PHF20: variants seen among roughly 807,000 people sequenced by gnomAD.
PHF20 encodes the protein PHD finger protein 20.
In PHF20, 23 loss-of-function variants were observed where a neutral mutation model predicts 113.5. That is an observed-to-expected ratio of 0.20 (90% CI 0.15 to 0.29). PHF20 has a LOEUF of 0.29. Ranked by LOEUF, PHF20 falls within the 10% of genes least tolerant of loss-of-function variation. PHF20 has a pLI of 1.00. For synonymous variants in PHF20, 434 were observed against 457.3 expected (o/e 0.95, Z 0.65); for missense variants, 943 against 1,219.6 (o/e 0.77, Z 3.38).
intron 2 of PHF20, among the ~76,000 whole-genome samples, chr20:35,830,493 A>C (rs2042340153): frequency 6.6e-6 from 1 of 152,144 alleles, no homozygotes; most frequent in South Asian, 2.1e-4. Flanking sequence ...CATTTTATCT[A>C]TTCATGTATT....
chr20:35,947,758 A>T lies in PHF20; in HGVS notation c.*131A>T. On this transcript the variant is annotated 3_prime_UTR_variant, in exon 18 of 18. Transcript: ENST00000374012. ...ACTGACTTCAGGGATCTGGGCCAGG[A>T]GTGTGGTGGACATTGGACAAAGAGG... is the stretch of plus-strand genomic sequence containing the variant. The T allele has an allele frequency of 2.1e-6, 2 of 969,842 alleles. No homozygotes were observed. Among genetic ancestry groups the T allele is most frequent in the Non-Finnish European group, 3.0e-6 (2 of 661,168 alleles). 60.1% of individuals were successfully genotyped at this position (969,842 alleles called of 1,614,324 possible).
intron 9 of PHF20, among the ~76,000 whole-genome samples, chr20:35,872,823 T>A (rs745445322): frequency 5.9e-5 from 9 of 152,242 alleles, no homozygotes; most frequent in Non-Finnish European, 8.8e-5. Flanking sequence ...ATATGATCTG[T>A]CCTGGTGAAT....
At chr20:35,836,076 A>T (rs1332766014) in intron 2 of PHF20, among the ~76,000 whole-genome samples, 1 of 152,176 alleles carries the variant, frequency 6.6e-6, no homozygotes, top group Non-Finnish European at 1.5e-5. Flanking sequence ...TGGCACAATT[A>T]TAGTTCACTG....
At chr20:35,946,900 G>A (rs2056095625) in intron 17 of PHF20, among the ~76,000 whole-genome samples, 1 of 151,962 alleles carries the variant, frequency 6.6e-6, no homozygotes, top group Admixed American at 6.6e-5. Flanking sequence ...AGTGGAGATG[G>A]GGTTTCACCA....
Position 35,938,710 on chromosome 20 carries a change from C to T in PHF20, c.2314C>T (p.Pro772Ser). ...TCCTCTCAACAGAAGCCGGGAGCAT[C>T]CTGATCTGCCGCTGTGGTGCCAGCC... is the stretch of plus-strand genomic sequence containing the variant. ...KMSILQSREH[P>S]DLPLWCQPWK... is the part of the protein sequence containing the mutation. Residue 772 changes from proline (P) to serine (S), a missense_variant, in exon 16 of 18, where the codon CCT (proline) becomes TCT (serine). Physicochemically the swap from Pro to Ser is moderately conservative, Grantham distance 74. Around this residue, in one of 3 missense-constraint regions of PHF20, gnomAD observed 349 missense variants for 412.3 expected, o/e 0.85. Coordinates refer to ENST00000374012, the MANE Select transcript of PHF20 (RefSeq NM_016436.5). 1 of 1,609,642 alleles carries T rather than the reference C, an allele frequency of 6.2e-7. No individual in the cohort carries two copies. Among genetic ancestry groups the T allele is most frequent in the Non-Finnish European group, 8.5e-7 (1 of 1,177,836 alleles).
intron 2 of PHF20, among the ~76,000 whole-genome samples, chr20:35,807,656 T>A (rs1387340176): frequency 6.6e-6 from 1 of 152,122 alleles, no homozygotes; most frequent in Non-Finnish European, 1.5e-5. Context: ...CCTGGCCAGA[T>A]CTTTATATAT....
intron 13 of PHF20, among the ~76,000 whole-genome samples, chr20:35,926,299 G>A (rs1483656231): frequency 3.3e-5 from 4 of 121,784 alleles, no homozygotes; most frequent in African/African-American, 1.3e-4. Context: ...GTGCAGTGGC[G>A]CAATCTCGGC....
At chr20:35,801,647 G>C (rs2041783469) in intron 2 of PHF20, 42 bp downstream of exon 2, 1 of 1,398,610 alleles carries the variant, frequency 7.1e-7, no homozygotes, top group Non-Finnish European at 1.0e-6. Context: ...CTTCAGTAAA[G>C]GATTTTTGCC....
chr20:35,815,590 TGA>T (rs1461122613), intron 2 of PHF20, among the ~76,000 whole-genome samples: 12 of 152,176 alleles, frequency 7.9e-5, no homozygotes, highest in Admixed American at 6.5e-4. Flanking sequence ...CTCAGTCTCC[TGA>T]GTAGCTGGGA....
intron 4 of PHF20, chr20:35,853,236 A>G (rs2042771138): frequency 6.6e-6 from 1 of 150,514 alleles, no homozygotes; most frequent in African/African-American, 2.4e-5. Flanking sequence ...AAAAAAAAAA[A>G]GAAAGAAAAA....
Position 35,892,653 on chromosome 20 carries a change from G to T in PHF20, c.1283-6717G>T, listed in dbSNP as rs191726853. Among the ~76,000 whole-genome samples, 227 of 151,236 alleles carry T rather than the reference G, an allele frequency of 1.5e-3. 1 individual carries two copies. The highest frequency in any genetic ancestry group is 5.3e-3 in the African/African-American group (220 of 41,188). ...TCTGGAAGAATCTACTTTTTGATTT[G>T]TGGTTCTGAAATTATAGCAAATTGT... On this transcript the variant is annotated intron_variant, in intron 9 of 17. Transcript: ENST00000374012.
intron 10 of PHF20, among the ~76,000 whole-genome samples, chr20:35,902,314 A>G (rs139114487): frequency 3.7e-4 from 56 of 152,252 alleles, no homozygotes; most frequent in Non-Finnish European, 6.6e-4. Context: ...ATCGTAATGG[A>G]TTGACATCTG....
intron 3 of PHF20, among the ~76,000 whole-genome samples, chr20:35,843,686 G>C (rs550412824): frequency 6.6e-6 from 1 of 151,968 alleles, no homozygotes; most frequent in East Asian, 1.9e-4. Flanking sequence ...AGGCTCAAGC[G>C]ATCTTTCCAC....
chr20:35,920,257 T>C (rs1165230632), intron 13 of PHF20, among the ~76,000 whole-genome samples: 7 of 152,230 alleles, frequency 4.6e-5, no homozygotes, highest in African/African-American at 1.7e-4. Context: ...TTTTACTCTG[T>C]ATAATATCCT....
intron 2 of PHF20, among the ~76,000 whole-genome samples, chr20:35,832,034 G>A (rs979434170): frequency 6.6e-6 from 1 of 152,130 alleles, no homozygotes; most frequent in Non-Finnish European, 1.5e-5. Flanking sequence ...CCCCTCAAAC[G>A]GAGTTGTTGT....
At chr20:35,885,467 C>CTTTTTTTTT (rs577878410) in intron 9 of PHF20, among the ~76,000 whole-genome samples, 458 of 35,584 alleles carry the variant, frequency 0.013, 3 homozygotes, top group Non-Finnish European at 0.015. Context: ...GGGGAATAAG[C>CTTTTTTTTT]TTTTTTTTTT....
intron 2 of PHF20, among the ~76,000 whole-genome samples, chr20:35,821,743 G>A (rs191427125): frequency 6.6e-6 from 1 of 152,166 alleles, no homozygotes; most frequent in Non-Finnish European, 1.5e-5. Flanking sequence ...AGGATCTTTT[G>A]TATTAGTCCA....
At chr20:35,885,989 G>A (rs552862065) in intron 9 of PHF20, among the ~76,000 whole-genome samples, 43 of 151,834 alleles carry the variant, frequency 2.8e-4, no homozygotes, top group Admixed American at 4.6e-4. Flanking sequence ...GCCTTAGGGG[G>A]GTTTAATCTC....
chr20:35,900,151 G>A (rs2055067675), intron 10 of PHF20, among the ~76,000 whole-genome samples: 1 of 152,088 alleles, frequency 6.6e-6, no homozygotes. Flanking sequence ...CATAATAGGG[G>A]TTACCATAAA....
Sources: allele counts gnomAD v4.1 joint callset (sites outside exome capture counted in the v4.1 genomes callset), GRCh38; gene constraint gnomAD v4.1.1; regional missense constraint gnomAD v4.1.1; transcripts MANE v1.5; gene names NCBI Gene and HGNC (gene_info 2026-07-23, HGNC 2026-07-21).